Variants in MED26 observed in about 807,000 individuals in gnomAD.
MED26 encodes mediator of RNA polymerase II transcription subunit 26.
A neutral mutation model predicts 43.7 loss-of-function variants in MED26; 7 were observed. The ratio of observed to expected loss-of-function variants is 0.16; its 90% CI spans 0.09 to 0.30. The LOEUF (loss-of-function observed/expected upper bound fraction) is 0.30, where lower values mean the gene tolerates loss of function less well. MED26 is among the 10% of genes least tolerant of loss of function. The pLI is 1.00. For missense variants in MED26, 784 were observed against 840.6 expected (o/e 0.93, Z 0.83); for synonymous variants, 375 against 371.1 (o/e 1.01, Z -0.12).
chr19:16,622,158 T>G (rs1170602056), intron 1 of MED26, among the ~76,000 whole-genome samples: 1 of 152,240 alleles, frequency 6.6e-6, no homozygotes, highest in Non-Finnish European at 1.5e-5. Context: ...TCTCATATTC[T>G]TAAGAATTCT....
intron 1 of MED26, among the ~76,000 whole-genome samples, chr19:16,598,855 C>A (rs2086135053): frequency 6.6e-6 from 1 of 152,164 alleles, no homozygotes; most frequent in Non-Finnish European, 1.5e-5. Flanking sequence ...AGTTCACTGG[C>A]TGCTGAAAAC....
chr19:16,609,336 A>AAAAAAAAAAAGAG (rs765489188), intron 1 of MED26, among the ~76,000 whole-genome samples: 1 of 142,266 alleles, frequency 7.0e-6, no homozygotes, highest in Non-Finnish European at 1.6e-5. Flanking sequence ...AAAAAAAAAA[A>AAAAAAAAAAAGAG]AGAGAGAGAA....
At chr19:16,585,275 C>T (rs1451673683) in intron 1 of MED26, among the ~76,000 whole-genome samples, 1 of 152,166 alleles carries the variant, frequency 6.6e-6, no homozygotes, top group African/African-American at 2.4e-5. Flanking sequence ...CTAAAGGAAA[C>T]CACAGAGAGC....
rs1157165561 is a variant in MED26 at position 16,576,605 on chromosome 19, G to T, written c.1225C>A (p.Gln409Lys). The T allele has an allele frequency of 6.2e-7, 1 of 1,614,216 alleles. No individual in the cohort carries two copies. The highest frequency in any genetic ancestry group is 1.7e-5 in the Admixed American group (1 of 60,024). The change falls in exon 3 of 3, where the codon CAG (glutamine) becomes AAG (lysine). Residue 409 changes from glutamine to lysine, a missense_variant. Physicochemically the swap from Gln to Lys is moderately conservative, Grantham distance 53. Around this residue, in one of 3 missense-constraint regions of MED26, gnomAD observed 719 missense variants for 730.9 expected, o/e 0.98. Transcript: ENST00000263390. This position sits in a 1 kb window ranked among gnomAD's most constrained non-coding sequence, Gnocchi z 6.8. The part of the protein sequence containing the change: ...PRDYTVNLDG[Q>K]VAEAGVKPVR... ...GGCTTGACGCCCGCCTCAGCCACCT[G>T]CCCGTCCAAGTTAACCGTATAGTCT... is the stretch of plus-strand genomic sequence containing the variant.
At chr19:16,597,525 G>T in intron 1 of MED26, 1 of 398,464 alleles carries the variant, frequency 2.5e-6, no homozygotes, top group South Asian at 1.3e-4. Flanking sequence ...GTGAGCATCA[G>T]GTTAAGTTTG....
Position 16,576,017 on chromosome 19 carries a change from G to T in MED26, c.*10C>A, listed in dbSNP as rs2085994623. On this transcript the variant is annotated 3_prime_UTR_variant, in exon 3 of 3. Transcript: ENST00000263390. The surrounding 1 kb of genome is among the most constrained non-coding windows in gnomAD (Gnocchi z 6.8). ...CAAGATGGGAATGCACTTTGTGGCT[G>T]ACAGGCCGGTCAGTCCAAGCAGACA... The T allele has an allele frequency of 2.5e-6, 4 of 1,600,390 alleles. No individual in the cohort carries two copies. In the Admixed American group the frequency reaches 5.0e-5, roughly 20 times the overall value.
intron 1 of MED26, among the ~76,000 whole-genome samples, chr19:16,612,802 G>A (rs1342026839): frequency 6.6e-6 from 1 of 152,188 alleles, no homozygotes; most frequent in East Asian, 1.9e-4. Context: ...TGACGTCTGG[G>A]ATTTTGTTCT....
chr19:16,588,528 C>G (rs1359621511), intron 1 of MED26: 1 of 152,324 alleles, frequency 6.6e-6, no homozygotes, highest in Non-Finnish European at 1.5e-5. Context: ...AGCAGGGGAC[C>G]GCACCTGGCC....
At position 16,577,943 on chromosome 19, in the gene MED26, C is replaced by A. The variant is rs180901059; in HGVS notation, c.148-261G>T. ...CACCCAGGCTCCTGGTGTCAGGGGG[C>A]TGTGGACCATCAAGGCCACTGTAAG... On this transcript the variant is annotated intron_variant, in intron 2 of 2. Transcript: ENST00000263390. The surrounding 1 kb of genome is among the most constrained non-coding windows in gnomAD (Gnocchi z 8.1). 141 of 473,606 alleles carry A rather than the reference C, an allele frequency of 3.0e-4. 2 individuals are homozygous for A. The East Asian group carries it at 4.8e-3, about 16-fold the overall frequency. The allele number at this position is 473,606 out of a possible 1,614,324, so 29.3% of individuals were successfully genotyped here. A position where few individuals can be genotyped will look rare whatever the true frequency, so the allele number is the denominator to read the frequency against.
intron 1 of MED26, among the ~76,000 whole-genome samples, chr19:16,591,291 G>C (rs1191506817): frequency 6.6e-6 from 1 of 152,028 alleles, no homozygotes; most frequent in African/African-American, 2.4e-5. Context: ...GAGAATGACT[G>C]TCACGCCTAG....
At chr19:16,591,057 AAATAAATAAAT>A (rs2086095132) in intron 1 of MED26, among the ~76,000 whole-genome samples, 1 of 78,482 alleles carries the variant, frequency 1.3e-5, no homozygotes, top group Non-Finnish European at 2.4e-5. Flanking sequence ...TAAAATAAAT[AAATAAATAAAT>A]AAATAAATAA....
At chr19:16,578,503 C>G in intron 1 of MED26, 94 bp from the exon 2 acceptor site, 1 of 1,204,020 alleles carries the variant, frequency 8.3e-7, no homozygotes, top group Non-Finnish European at 1.2e-6. Flanking sequence ...TCTCCCCAAC[C>G]CCAGAGCAAG....
chr19:16,603,571 G>T (rs923043560), intron 1 of MED26, among the ~76,000 whole-genome samples: 1 of 152,146 alleles, frequency 6.6e-6, no homozygotes, highest in African/African-American at 2.4e-5. Flanking sequence ...GGAGCTATGG[G>T]AAGATCCTGG....
intron 1 of MED26, among the ~76,000 whole-genome samples, chr19:16,591,993 CT>C (rs1484101155): frequency 3.9e-5 from 6 of 152,174 alleles, no homozygotes; most frequent in African/African-American, 9.7e-5. Context: ...CCCATCCCCC[CT>C]AGACCTCCTG....
chr19:16,618,938 G>A (rs1159217662), intron 1 of MED26, among the ~76,000 whole-genome samples: 1 of 152,240 alleles, frequency 6.6e-6, no homozygotes, highest in African/African-American at 2.4e-5. Context: ...ACACCCTACT[G>A]TGTGAAGGCA....
chr19:16,595,846 C>G (rs565307111), intron 1 of MED26, among the ~76,000 whole-genome samples: 1 of 152,220 alleles, frequency 6.6e-6, no homozygotes, highest in South Asian at 2.1e-4. Context: ...GATTGCTGGG[C>G]AGTTCACTTC....
chr19:16,578,799 A>C, intron 1 of MED26: 1 of 209,092 alleles, frequency 4.8e-6, no homozygotes, highest in Non-Finnish European at 9.5e-6. Flanking sequence ...AAAATCCACA[A>C]AGCTTAAAAG....
intron 1 of MED26, among the ~76,000 whole-genome samples, chr19:16,608,405 A>G (rs1433264003): frequency 1.3e-5 from 2 of 152,266 alleles, no homozygotes; most frequent in Admixed American, 6.5e-5. Flanking sequence ...CTGTATGGGC[A>G]TGGAGGACAT....
chr19:16,615,016 T>G (rs1599347098), intron 1 of MED26, among the ~76,000 whole-genome samples: 1 of 151,164 alleles, frequency 6.6e-6, no homozygotes, highest in Non-Finnish European at 1.5e-5. Flanking sequence ...TCACTGGCCC[T>G]AACAGAATGA....
Sources: allele counts gnomAD v4.1 joint callset (sites outside exome capture counted in the v4.1 genomes callset), GRCh38; gene constraint gnomAD v4.1.1; regional missense constraint gnomAD v4.1.1; non-coding constraint Gnocchi (gnomAD v3.1); transcripts MANE v1.5; gene names NCBI Gene and HGNC (gene_info 2026-07-23, HGNC 2026-07-21).